SHOC1: variants seen among roughly 807,000 people sequenced by gnomAD.
SHOC1 encodes shortage in chiasmata 1.
SHOC1 carries 136 observed loss-of-function variants against 179.2 expected under a neutral mutation model. The ratio of observed to expected loss-of-function variants is 0.76; its 90% confidence interval spans 0.66 to 0.87. The LOEUF is 0.87. SHOC1 is among the 40% of genes least tolerant of loss of function. The pLI, the probability that SHOC1 is intolerant of heterozygous loss-of-function variation, is 0.00. For synonymous variants in SHOC1, 489 were observed against 586.6 expected, an observed-to-expected ratio of 0.83 and a Z score of 2.41; for missense variants, 1,538 against 1,700.8, an observed-to-expected ratio of 0.90 and a Z score of 1.68.
chr9:111,769,990 T>TTC (rs1835526575), intron 5 of SHOC1, among the ~76,000 whole-genome samples: 1 of 116,360 alleles, frequency 8.6e-6, no homozygotes, highest in Non-Finnish European at 1.9e-5. Flanking sequence ...TTTTTTGTTT[T>TTC]TTTTTTTTTT....
rs1224207879 is a variant in SHOC1 at position 111,699,960 on chromosome 9, A to C, written c.3177T>G (p.Asp1059Glu). ...ACACATAGGAAAAGAATACCTTTAC[A>C]TCCAGTTCTTCAGAGTTTAGCCCAA... is the stretch of plus-strand genomic sequence containing the variant. ...VSFGLNSEEL[D>E]VKLIIAPGVE... Residue 1059 changes from aspartate to glutamate, a missense_variant, in exon 24 of 28, where the codon GAT becomes GAG. By Grantham distance (45) the Asp-to-Glu change is conservative. Coordinates refer to ENST00000682961, the MANE Select transcript of SHOC1 (RefSeq NM_001378211.1). The C allele has an allele frequency of 1.3e-6, 2 of 1,599,160 alleles. No individual in the cohort carries two copies. Among genetic ancestry groups the C allele is most frequent in the Non-Finnish European group, 1.7e-6 (2 of 1,170,162 alleles).
At chr9:111,780,497 C>A (rs1169042717) in intron 4 of SHOC1, among the ~76,000 whole-genome samples, 1 of 151,986 alleles carries the variant, frequency 6.6e-6, no homozygotes, top group Non-Finnish European at 1.5e-5. Context: ...TTCTTGTGTT[C>A]TTTGAAGGTT....
chr9:111,686,950 T>G, intron 27 of SHOC1, 80 bp from the exon 28 acceptor site: 2 of 948,862 alleles, frequency 2.1e-6, no homozygotes, highest in Non-Finnish European at 3.1e-6. Context: ...TTTTTTTTTT[T>G]TTTTTCTTTT....
chr9:111,713,690 CA>C (rs1349264876), intron 17 of SHOC1, among the ~76,000 whole-genome samples: 1 of 152,108 alleles, frequency 6.6e-6, no homozygotes, highest in Non-Finnish European at 1.5e-5. Context: ...AGAAAAAGGC[CA>C]CAGTTTATAT....
At position 111,713,093 on chromosome 9, in the gene SHOC1, T is replaced by G. The variant is rs892967114; in HGVS notation, c.2488+7A>C. The G allele has an allele frequency of 3.9e-6, 6 of 1,527,630 alleles. No individual in the cohort carries two copies. The highest frequency in any genetic ancestry group is 5.4e-6 in the Non-Finnish European group (6 of 1,108,732). The allele number at this position is 1,527,630 out of a possible 1,614,324, so 94.6% of individuals were successfully genotyped here. A position where few individuals can be genotyped will look rare whatever the true frequency, so the allele number is the denominator to read the frequency against. ...TATCAAATGAAGCATAATTTAAAACTGCCTACCTTCTATTTTGTTAAGAAT... is the reference window on the plus strand; with the variant it reads ...TATCAAATGAAGCATAATTTAAAACGGCCTACCTTCTATTTTGTTAAGAAT... On this transcript the variant is annotated splice_region_variant and intron_variant, in intron 18 of 27. Transcript: ENST00000682961.
intron 1 of SHOC1, among the ~76,000 whole-genome samples, chr9:111,793,679 ATT>A (rs3031223): frequency 5.9e-4 from 87 of 147,692 alleles, no homozygotes; most frequent in African/African-American, 1.9e-3. Flanking sequence ...CAATTCTCGA[ATT>A]TTTTTTTTTT....
At chr9:111,700,112 A>G in intron 23 of SHOC1, 65 bp from the exon 24 acceptor site, 1 of 915,558 alleles carries the variant, frequency 1.1e-6, no homozygotes. Context: ...TTAAAAATTC[A>G]TTTTGTTTTC....
chr9:111,779,115 AGAG>A (rs138346375), intron 4 of SHOC1, among the ~76,000 whole-genome samples: 63,946 of 120,046 alleles, frequency 0.53, 16,607 homozygotes, highest in East Asian at 0.85. Context: ...AAAAAAAAAA[AGAG>A]AGAGAGAGAG....
At position 111,692,032 on chromosome 9, in the gene SHOC1, C is replaced by T; in HGVS notation, c.3945G>A (p.Lys1315=). The change falls in exon 27 of 28, where the codon AAG becomes AAA. Residue 1315 remains lysine, a synonymous_variant. Coordinates refer to ENST00000682961, the MANE Select transcript of SHOC1 (RefSeq NM_001378211.1). ...TAAAACGGGGGACAACTGACACTCT[C>T]TTCTGAGTGTCAGTTGGTGATTTTA... ...ETIKSPTDTQ[K]RVSVVPRFIN... The T allele has an allele frequency of 6.2e-7, 1 of 1,613,358 alleles. No homozygotes were observed. The highest frequency in any genetic ancestry group is 1.1e-5 in the South Asian group (1 of 91,030).
chr9:111,708,534 C>G (rs1197662095), intron 18 of SHOC1, among the ~76,000 whole-genome samples: 1 of 152,148 alleles, frequency 6.6e-6, no homozygotes, highest in Non-Finnish European at 1.5e-5. Context: ...AAATTAAACA[C>G]TCACCAATCC....
chr9:111,773,369 A>G (rs907131581), intron 5 of SHOC1, among the ~76,000 whole-genome samples: 1 of 152,024 alleles, frequency 6.6e-6, no homozygotes, highest in Non-Finnish European at 1.5e-5. Flanking sequence ...CTGGAGGGCA[A>G]TGGTGTGATC....
intron 5 of SHOC1, among the ~76,000 whole-genome samples, chr9:111,772,826 C>T (rs374090154): frequency 4.6e-5 from 7 of 152,316 alleles, no homozygotes; most frequent in East Asian, 3.9e-4. Flanking sequence ...AAGGTAGTCC[C>T]TTCTCCCCTC....
intron 13 of SHOC1, 55 bp from the exon 14 acceptor site, chr9:111,723,966 T>G: frequency 2.3e-6 from 3 of 1,291,666 alleles, no homozygotes; most frequent in Non-Finnish European, 3.2e-6. Flanking sequence ...AACTTAATGT[T>G]GTTTTACCTT....
intron 8 of SHOC1, among the ~76,000 whole-genome samples, chr9:111,748,762 TTTCCTTCC>T (rs1834413651): frequency 1.1e-5 from 1 of 93,200 alleles, no homozygotes; most frequent in Non-Finnish European, 2.2e-5. Context: ...CCTTCCTTCC[TTTCCTTCC>T]TTCCTTCCCT....
Position 111,718,860 on chromosome 9 carries a change from C to T in SHOC1, c.2132-572G>A, listed in dbSNP as rs531266498. On this transcript the variant is annotated intron_variant, in intron 15 of 27. Transcript: ENST00000682961. ...CATTTAGTTCCAGAGCTTTTTTGGACGATAGACTGGATTTTTCTGCATATA... is the reference window on the plus strand; with the variant it reads ...CATTTAGTTCCAGAGCTTTTTTGGATGATAGACTGGATTTTTCTGCATATA... Among the ~76,000 whole-genome samples, 186 of 152,148 alleles carry T rather than the reference C, an allele frequency of 1.2e-3. 1 individual carries two copies. Among genetic ancestry groups the T allele is most frequent in the Middle Eastern group, 0.01 (3 of 294 alleles).
chr9:111,750,325 C>T (rs9695638), intron 8 of SHOC1, among the ~76,000 whole-genome samples: 64,795 of 151,572 alleles, frequency 0.43, 14,911 homozygotes, highest in East Asian at 0.77. Flanking sequence ...GCTGCATGTA[C>T]GTCTTCTTCT....
chr9:111,753,238 T>A (rs35426451), intron 8 of SHOC1, among the ~76,000 whole-genome samples: 30,412 of 151,990 alleles, frequency 0.2, 3,198 homozygotes, highest in Non-Finnish European at 0.22. Flanking sequence ...CTAAACATTT[T>A]AAAAAAATCA....
intron 3 of SHOC1, chr9:111,783,620 T>G (rs1328997329): frequency 6.6e-6 from 1 of 152,254 alleles, no homozygotes; most frequent in Non-Finnish European, 1.5e-5. Flanking sequence ...TTTATACTCA[T>G]GCTCTCAGTG....
chr9:111,742,482 G>A (rs1462755182), intron 10 of SHOC1, among the ~76,000 whole-genome samples: 1 of 151,818 alleles, frequency 6.6e-6, no homozygotes, highest in African/African-American at 2.4e-5. Flanking sequence ...TGTGTTTAGG[G>A]GTACTCGGGG....
Sources: gnomAD v4.1 joint callset for allele counts (sites outside exome capture counted in the v4.1 genomes callset) on GRCh38, gnomAD v4.1.1 for gene constraint, MANE v1.5 for transcripts, NCBI Gene and HGNC (gene_info 2026-07-23, HGNC 2026-07-21) for gene names.